EML4: variants seen among roughly 807,000 people sequenced by gnomAD.
EML4 encodes the protein echinoderm microtubule-associated protein-like 4.
In EML4, 72 loss-of-function variants were observed where a neutral mutation model predicts 129.0. The ratio of observed to expected loss-of-function variants is 0.56; its 90% CI spans 0.46 to 0.68. EML4 has a LOEUF of 0.68. Among genes scored for constraint, EML4 ranks in the 30% least tolerant of loss-of-function variants. The probability of loss-of-function intolerance (pLI) is 0.00; values close to 1 mark genes in which losing one functional copy is unlikely to be tolerated. For synonymous variants in EML4, 532 were observed against 405.0 expected (o/e 1.31, Z -3.77); for missense variants, 1,363 against 1,190.6 (o/e 1.14, Z -2.13).
intron 18 of EML4, among the ~76,000 whole-genome samples, chr2:42,317,168 G>A (rs1406349263): frequency 6.6e-6 from 1 of 152,166 alleles, no homozygotes; most frequent in East Asian, 1.9e-4. Flanking sequence ...AAGAAGGCAG[G>A]ATAACCTCTG....
intron 1 of EML4, among the ~76,000 whole-genome samples, chr2:42,185,641 G>A (rs527563249): frequency 4.1e-4 from 62 of 152,292 alleles, no homozygotes; most frequent in African/African-American, 1.4e-3. Context: ...GATGAGAGAT[G>A]AAGGCAGGAG....
At position 42,221,474 on chromosome 2, in the gene EML4, A is replaced by G. The variant is rs530109725; in HGVS notation, c.26-24031A>G. Among the ~76,000 whole-genome samples, 264 of 137,950 alleles carry G rather than the reference A, an allele frequency of 1.9e-3. 1 individual carries two copies. The highest frequency in any genetic ancestry group is 6.2e-3 in the African/African-American group (230 of 37,296). 90.5% of individuals were successfully genotyped at this position (137,950 alleles called of 152,430 possible). ...ACCCAGGCTAGAGCGCAGTAGTGCT[A>G]TCATGGCTCACTGCAGCCTCAATGT... On this transcript the variant is annotated intron_variant, in intron 1 of 22. Coordinates refer to ENST00000318522, the MANE Select transcript of EML4 (RefSeq NM_019063.5).
At position 42,295,455 on chromosome 2, in the gene EML4, T is replaced by C; in HGVS notation, c.1428T>C (p.Gly476=). ...GAGATGTTCTTACTGGAGACTCAGG[T>C]GGAGTCATGCTTATATGGAGCAAAA... is the stretch of plus-strand genomic sequence containing the variant. ...GNGDVLTGDS[G]GVMLIWSKTT... The change falls in exon 13 of 23, where the codon GGT becomes GGC. Residue 476 remains glycine (G), a synonymous_variant. Transcript: ENST00000318522. The C allele has an allele frequency of 6.2e-7, 1 of 1,613,874 alleles. No homozygotes were observed. Among genetic ancestry groups the C allele is most frequent in the Admixed American group, 1.7e-5 (1 of 60,022 alleles).
At chr2:42,259,130 T>C (rs1270741940) in intron 3 of EML4, among the ~76,000 whole-genome samples, 8 of 151,924 alleles carry the variant, frequency 5.3e-5, no homozygotes, top group Non-Finnish European at 1.2e-4. Flanking sequence ...GCCTGTAATC[T>C]CAGCTGCTGG....
chr2:42,172,532 C>T (rs1031702585), intron 1 of EML4, among the ~76,000 whole-genome samples: 1 of 152,180 alleles, frequency 6.6e-6, no homozygotes, highest in Admixed American at 6.5e-5. Flanking sequence ...TTAATCTCCG[C>T]AGCTGATGAA....
chr2:42,207,707 T>G (rs2104000397), intron 1 of EML4, among the ~76,000 whole-genome samples: 1 of 152,338 alleles, frequency 6.6e-6, no homozygotes, highest in Middle Eastern at 3.4e-3. Context: ...TCTGCTTACT[T>G]TCTGGTCTTC....
chr2:42,282,595 A>G (rs766601082), intron 7 of EML4, among the ~76,000 whole-genome samples: 5 of 151,864 alleles, frequency 3.3e-5, no homozygotes, highest in Non-Finnish European at 7.4e-5. Context: ...GGGTCTCACT[A>G]TTGCCCGCAC....
chr2:42,329,128 C>G, intron 22 of EML4, 112 bp downstream of exon 22: 1 of 1,084,760 alleles, frequency 9.2e-7, no homozygotes, highest in South Asian at 1.7e-5. Flanking sequence ...TACTCCAGTG[C>G]ACAGAGGGAG....
At chr2:42,211,164 A>G (rs1672864478) in intron 1 of EML4, among the ~76,000 whole-genome samples, 1 of 152,212 alleles carries the variant, frequency 6.6e-6, no homozygotes, top group African/African-American at 2.4e-5. Flanking sequence ...TGGAACATAT[A>G]AAAGTATGAA....
chr2:42,329,193 T>A (rs1669969291), intron 22 of EML4, among the ~76,000 whole-genome samples, 177 bp downstream of exon 22: 1 of 152,236 alleles, frequency 6.6e-6, no homozygotes, highest in South Asian at 2.1e-4. Flanking sequence ...TCCCCCTTCC[T>A]AAGGCTAAGG....
intron 1 of EML4, among the ~76,000 whole-genome samples, chr2:42,241,982 G>A (rs1307125828): frequency 6.6e-6 from 1 of 152,134 alleles, no homozygotes; most frequent in African/African-American, 2.4e-5. Flanking sequence ...GTGTCTCACA[G>A]TGTCTATCAG....
At chr2:42,279,175 T>C (rs1666861458) in intron 6 of EML4, among the ~76,000 whole-genome samples, 2 of 152,208 alleles carry the variant, frequency 1.3e-5, no homozygotes, top group Non-Finnish European at 2.9e-5. Context: ...TATATATATG[T>C]GCATGCCACA....
intron 1 of EML4, among the ~76,000 whole-genome samples, chr2:42,234,180 G>A (rs575917996): frequency 6.2e-4 from 95 of 152,336 alleles, no homozygotes; most frequent in Non-Finnish European, 9.7e-4. Flanking sequence ...TTAGTTCAGA[G>A]AGCAAAAGGG....
chr2:42,300,132 A>G (rs1668199352), intron 13 of EML4, among the ~76,000 whole-genome samples: 1 of 152,258 alleles, frequency 6.6e-6, no homozygotes, highest in Non-Finnish European at 1.5e-5. Flanking sequence ...CAGTTTTAGA[A>G]AATGAATAGT....
At chr2:42,207,173 CTATT>C (rs2103997710) in intron 1 of EML4, among the ~76,000 whole-genome samples, 1 of 152,220 alleles carries the variant, frequency 6.6e-6, no homozygotes, top group East Asian at 1.9e-4. Context: ...AACACCTCCT[CTATT>C]TGATATTATC....
chr2:42,312,495 A>G (rs1334033717), intron 17 of EML4, among the ~76,000 whole-genome samples: 1 of 152,138 alleles, frequency 6.6e-6, no homozygotes, highest in Non-Finnish European at 1.5e-5. Flanking sequence ...TTTGGTCTCC[A>G]CAACCCCATA....
At chr2:42,228,564 T>C (rs1674124581) in intron 1 of EML4, among the ~76,000 whole-genome samples, 1 of 152,354 alleles carries the variant, frequency 6.6e-6, no homozygotes, top group East Asian at 1.9e-4. Context: ...CTTGTAATGT[T>C]TTATAGGCCT....
intron 6 of EML4, among the ~76,000 whole-genome samples, chr2:42,265,226 TAGG>T (rs10590297): frequency 0.23 from 34,773 of 151,958 alleles, 5,625 homozygotes; most frequent in African/African-American, 0.47. Flanking sequence ...CTGGGGACTA[TAGG>T]CACCACCACA....
chr2:42,227,955 C>G (rs1008594930), intron 1 of EML4, among the ~76,000 whole-genome samples: 3 of 152,198 alleles, frequency 2.0e-5, no homozygotes, highest in Non-Finnish European at 2.9e-5. Flanking sequence ...CACAGTGGCT[C>G]ACACCTGTAA....
Sources: allele counts gnomAD v4.1 joint callset (sites outside exome capture counted in the v4.1 genomes callset), GRCh38; gene constraint gnomAD v4.1.1; transcripts MANE v1.5; gene names NCBI Gene and HGNC (gene_info 2026-07-23, HGNC 2026-07-21).